The following CAST variants were observed in gnomAD, a reference collection of about 807,000 sequenced individuals.
CAST encodes MIR583 host.
A neutral mutation model predicts 119.6 loss-of-function variants in CAST; 76 were observed. The ratio of observed to expected loss-of-function variants is 0.64; its 90% confidence interval spans 0.53 to 0.77. The LOEUF (loss-of-function observed/expected upper bound fraction) is 0.77, where lower values mean the gene tolerates loss of function less well. Among genes scored for constraint, CAST ranks in the 30% least tolerant of loss-of-function variants. The pLI is 0.00. For missense variants in CAST, 953 were observed against 946.5 expected, an observed-to-expected ratio of 1.01 and a Z score of -0.09; for synonymous variants, 319 against 331.6, an observed-to-expected ratio of 0.96 and a Z score of 0.41.
the CAST span, among the ~76,000 whole-genome samples, chr5:96,215,981 T>C: frequency 2.0e-5 from 3 of 152,044 alleles, no homozygotes; most frequent in Admixed American, 6.6e-5. Context: ...CTAATTTTTG[T>C]ATTTTTAGTA....
At chr5:96,034,489 ACACACACACACACACACATATG>A in the CAST span, among the ~76,000 whole-genome samples, 1 of 131,452 alleles carries the variant, frequency 7.6e-6, no homozygotes, top group Non-Finnish European at 1.6e-5. Context: ...ACACACACAC[ACACACACACACACACACATATG>A]TGTGTGTGTA....
chr5:96,602,625 C>T (rs796715043), intron 1 of CAST, among the ~76,000 whole-genome samples: 28 of 152,260 alleles, frequency 1.8e-4, no homozygotes, highest in African/African-American at 6.7e-4. Context: ...TGGTGCATGC[C>T]TGTAATCCCA....
the CAST span, among the ~76,000 whole-genome samples, chr5:96,356,608 G>T: frequency 6.6e-6 from 1 of 152,104 alleles, no homozygotes; most frequent in Non-Finnish European, 1.5e-5. Context: ...CCCATTGCTT[G>T]TTTTTGTCAG....
the CAST span, among the ~76,000 whole-genome samples, chr5:96,377,380 C>G: frequency 6.6e-6 from 1 of 152,152 alleles, no homozygotes; most frequent in Non-Finnish European, 1.5e-5. Flanking sequence ...CAGCAACTTA[C>G]AGTCCTGAAA....
At chr5:96,025,863 C>T in the CAST span, among the ~76,000 whole-genome samples, 9 of 152,180 alleles carry the variant, frequency 5.9e-5, no homozygotes, top group African/African-American at 1.9e-4. Context: ...CATCCCTACT[C>T]GAGGGGATTC....
intron 2 of CAST, among the ~76,000 whole-genome samples, chr5:96,685,878 T>C (rs180767102): frequency 6.6e-6 from 1 of 152,380 alleles, no homozygotes; most frequent in East Asian, 1.9e-4. Flanking sequence ...ACATTTTGAG[T>C]AACACTGAAA....
chr5:96,341,457 A>G, the CAST span, among the ~76,000 whole-genome samples: 1 of 151,928 alleles, frequency 6.6e-6, no homozygotes, highest in Non-Finnish European at 1.5e-5. Context: ...CTGAAGGTCA[A>G]ATTCGAAATA....
At chr5:96,363,744 G>C in the CAST span, among the ~76,000 whole-genome samples, 9 of 152,120 alleles carry the variant, frequency 5.9e-5, no homozygotes, top group African/African-American at 2.2e-4. Flanking sequence ...GGCTAAGACG[G>C]TGGGGTTTTC....
intron 2 of CAST, among the ~76,000 whole-genome samples, chr5:96,679,026 G>A (rs1480590220): frequency 6.6e-6 from 1 of 151,618 alleles, no homozygotes; most frequent in East Asian, 1.9e-4. Context: ...TTGAGATGAG[G>A]TCTTACTCTG....
chr5:96,745,919 A>C (rs568906586), intron 16 of CAST, among the ~76,000 whole-genome samples: 1 of 152,352 alleles, frequency 6.6e-6, no homozygotes, highest in Non-Finnish European at 1.5e-5. Context: ...GATGAAGGCC[A>C]TTAAAATAAT....
At chr5:96,587,254 C>T (rs530604697) in intron 1 of CAST, among the ~76,000 whole-genome samples, 27 of 152,312 alleles carry the variant, frequency 1.8e-4, no homozygotes, top group African/African-American at 5.8e-4. Context: ...CCGCTCAGAC[C>T]TTTGTCCCTC....
the CAST span, among the ~76,000 whole-genome samples, chr5:96,338,734 A>G: frequency 6.6e-6 from 1 of 152,324 alleles, no homozygotes; most frequent in East Asian, 1.9e-4. Context: ...CCCAGAGGCC[A>G]GGGGTTTTTG....
the CAST span, chr5:96,214,881 G>A: frequency 6.6e-6 from 1 of 152,132 alleles, no homozygotes; most frequent in African/African-American, 2.4e-5. Flanking sequence ...TCTGAAGTTT[G>A]CTCTGTCCTC....
At chr5:96,558,881 A>G (rs966140255) in intron 1 of CAST, among the ~76,000 whole-genome samples, 1 of 152,144 alleles carries the variant, frequency 6.6e-6, no homozygotes, top group African/African-American at 2.4e-5. Flanking sequence ...TCCTGATACC[A>G]AAGCCTGGCA....
At chr5:96,046,977 A>G in the CAST span, among the ~76,000 whole-genome samples, 23 of 152,332 alleles carry the variant, frequency 1.5e-4, no homozygotes, top group African/African-American at 5.5e-4. Context: ...CCCTCCCACA[A>G]CATGTGGGAA....
the CAST span, among the ~76,000 whole-genome samples, chr5:96,383,645 A>C: frequency 1.3e-5 from 2 of 152,078 alleles, no homozygotes; most frequent in Non-Finnish European, 2.9e-5. Context: ...ATGAGGTTTC[A>C]CCATGTTGGC....
chr5:96,291,084 T>C, the CAST span, among the ~76,000 whole-genome samples: 1 of 152,188 alleles, frequency 6.6e-6, no homozygotes, highest in African/African-American at 2.4e-5. Flanking sequence ...ATACTAGCCA[T>C]GTGAATGAAT....
intron 3 of CAST, among the ~76,000 whole-genome samples, chr5:96,705,996 A>G (rs2150336647): frequency 6.6e-6 from 1 of 152,350 alleles, no homozygotes; most frequent in Admixed American, 6.5e-5. Flanking sequence ...TCAGAATGCA[A>G]ACTTTTACTA....
the CAST span, among the ~76,000 whole-genome samples, chr5:96,172,385 G>C: frequency 5.8e-3 from 883 of 152,342 alleles, 10 homozygotes; most frequent in African/African-American, 0.019. Flanking sequence ...GGTCACAGGG[G>C]ATATGATGGC....
Sources: allele counts gnomAD v4.1 joint callset (sites outside exome capture counted in the v4.1 genomes callset), GRCh38; gene constraint gnomAD v4.1.1; transcripts MANE v1.5; gene names NCBI Gene and HGNC (gene_info 2026-07-23, HGNC 2026-07-21).